Variants in DPP10 observed in about 807,000 individuals in gnomAD.
The protein encoded by DPP10 is dipeptidyl peptidase like 10.
In DPP10, 33 loss-of-function variants were observed where a neutral mutation model predicts 120.9. That is an observed-to-expected ratio of 0.27 (90% CI 0.21 to 0.37). The LOEUF (loss-of-function observed/expected upper bound fraction) is 0.37. Ranked by LOEUF, DPP10 falls within the 10% of genes least tolerant of loss-of-function variation. DPP10 has a pLI of 1.00. For synonymous variants in DPP10, 337 were observed against 326.1 expected (o/e 1.03, Z -0.36); for missense variants, 816 against 942.8 (o/e 0.87, Z 1.76).
intron 1 of DPP10, among the ~76,000 whole-genome samples, chr2:115,001,404 A>T (rs1415669652): frequency 3.3e-5 from 5 of 152,202 alleles, no homozygotes; most frequent in Non-Finnish European, 5.9e-5. Flanking sequence ...ACTTCAAAAT[A>T]ATAAAAGCCA....
At chr2:114,663,032 A>G (rs1381786163) in intron 1 of DPP10, among the ~76,000 whole-genome samples, 1 of 152,094 alleles carries the variant, frequency 6.6e-6, no homozygotes, top group Admixed American at 6.5e-5. Flanking sequence ...TTTGTAAGGT[A>G]CTGTTTTTCA....
At chr2:114,839,964 AG>A (rs1688028818) in intron 1 of DPP10, among the ~76,000 whole-genome samples, 2 of 152,178 alleles carry the variant, frequency 1.3e-5, no homozygotes, top group South Asian at 4.1e-4. Context: ...AAAAAGCAAG[AG>A]TAAACTAATG....
At chr2:114,929,669 A>G (rs115255097) in intron 1 of DPP10, among the ~76,000 whole-genome samples, 34,909 of 152,046 alleles carry the variant, frequency 0.23, 4,297 homozygotes, top group Middle Eastern at 0.38. Context: ...CCCAGATTTC[A>G]TATTGTTCAC....
intron 2 of DPP10, among the ~76,000 whole-genome samples, chr2:115,330,363 A>G (rs1394243931): frequency 6.6e-6 from 1 of 150,800 alleles, no homozygotes; most frequent in East Asian, 1.9e-4. Flanking sequence ...GATTGCAAAA[A>G]TTTTCTCCCA....
At chr2:115,754,816 T>G (rs911671160) in intron 11 of DPP10, among the ~76,000 whole-genome samples, 5 of 152,144 alleles carry the variant, frequency 3.3e-5, no homozygotes, top group Non-Finnish European at 7.4e-5. Flanking sequence ...TACAAGTTAT[T>G]AGAAATGATA....
chr2:115,818,315 GT>G (rs1687473246), intron 21 of DPP10, among the ~76,000 whole-genome samples: 1 of 152,124 alleles, frequency 6.6e-6, no homozygotes, highest in Non-Finnish European at 1.5e-5. Context: ...AATTTTATAT[GT>G]TTTACCACAT....
At chr2:115,762,009 T>A (rs1680173483) in intron 11 of DPP10, among the ~76,000 whole-genome samples, 1 of 152,158 alleles carries the variant, frequency 6.6e-6, no homozygotes, top group South Asian at 2.1e-4. Flanking sequence ...CTTTTTGCAA[T>A]ATGATTTTGG....
intron 1 of DPP10, among the ~76,000 whole-genome samples, chr2:114,490,940 T>C (rs1368754913): frequency 6.6e-6 from 1 of 152,186 alleles, no homozygotes; most frequent in African/African-American, 2.4e-5. Flanking sequence ...GGTTTAAAGA[T>C]GTAGTTGAAT....
rs530083291 is a variant in DPP10 at position 114,742,132 on chromosome 2, G to C, written c.60+299294G>C. ...TATGTGCACAATACTTACACAAAAA[G>C]TCAACATTGTATTAATTTACTTTCA... On this transcript the variant is annotated intron_variant, in intron 1 of 25. Coordinates refer to ENST00000410059, the MANE Select transcript of DPP10 (RefSeq NM_020868.6). 1.1e-4 allele frequency among the ~76,000 whole-genome samples: 17 copies of C among 152,184 alleles called. No homozygotes were observed. The South Asian group carries it at 3.3e-3, about 30-fold the overall frequency.
chr2:114,950,808 A>G (rs991970062), intron 1 of DPP10, among the ~76,000 whole-genome samples: 5 of 152,198 alleles, frequency 3.3e-5, no homozygotes, highest in Non-Finnish European at 7.3e-5. Flanking sequence ...ACACTAGAAA[A>G]TAAATGATAT....
At chr2:114,529,482 G>C (rs1362575508) in intron 1 of DPP10, among the ~76,000 whole-genome samples, 1 of 152,100 alleles carries the variant, frequency 6.6e-6, no homozygotes, top group African/African-American at 2.4e-5. Flanking sequence ...GCTGACTCCT[G>C]TCTGCTTCTC....
chr2:115,407,636 G>A (rs1353826271), intron 3 of DPP10, among the ~76,000 whole-genome samples: 1 of 151,996 alleles, frequency 6.6e-6, no homozygotes, highest in Non-Finnish European at 1.5e-5. Flanking sequence ...GGTCTTTTAC[G>A]GGTGTGTACA....
At chr2:115,023,935 A>T (rs1256711629) in intron 1 of DPP10, among the ~76,000 whole-genome samples, 4 of 152,072 alleles carry the variant, frequency 2.6e-5, no homozygotes. Context: ...ATATGTTCTC[A>T]CTCATATGTG....
intron 1 of DPP10, among the ~76,000 whole-genome samples, chr2:114,930,859 G>A (rs963214014): frequency 6.6e-6 from 1 of 152,136 alleles, no homozygotes; most frequent in African/African-American, 2.4e-5. Flanking sequence ...TTCCACAACT[G>A]GCCCTCATGG....
At chr2:114,832,706 A>C (rs13420100) in intron 1 of DPP10, among the ~76,000 whole-genome samples, 6 of 152,230 alleles carry the variant, frequency 3.9e-5, no homozygotes, top group African/African-American at 9.6e-5. Context: ...AGCCCAAACA[A>C]ATATTTGAAA....
chr2:115,670,559 GA>G lies in DPP10; in HGVS notation c.442-19125del, dbSNP rs886208192. ...TTGCAATTTTGAGAGGCTAAGTTGT[GA>G]AAGAGCAGAAATGTGACTACGTTTA... On this transcript the variant is annotated intron_variant, in intron 5 of 25. Transcript: ENST00000410059. Among the ~76,000 whole-genome samples the G allele has an allele frequency of 4.6e-5, 7 of 152,178 alleles. No individual in the cohort carries two copies. In the East Asian group the frequency reaches 7.7e-4, roughly 17 times the overall value.
At chr2:115,796,060 G>GT (rs1391738825) in intron 19 of DPP10, among the ~76,000 whole-genome samples, 2 of 151,874 alleles carry the variant, frequency 1.3e-5, no homozygotes, top group African/African-American at 4.8e-5. Flanking sequence ...CTCACACTAC[G>GT]TAACAGTCTT....
chr2:114,509,397 G>T (rs1683950104), intron 1 of DPP10, among the ~76,000 whole-genome samples: 1 of 152,168 alleles, frequency 6.6e-6, no homozygotes, highest in South Asian at 2.1e-4. Flanking sequence ...TGTAAGGAAG[G>T]ATTTTTCTTT....
intron 3 of DPP10, among the ~76,000 whole-genome samples, chr2:115,420,799 C>A (rs1415273461): frequency 6.6e-6 from 1 of 151,936 alleles, no homozygotes; most frequent in African/African-American, 2.4e-5. Context: ...CCTGGGAAGA[C>A]AACAGTAGAA....
Sources: allele counts gnomAD v4.1 joint callset (sites outside exome capture counted in the v4.1 genomes callset), GRCh38; gene constraint gnomAD v4.1.1; transcripts MANE v1.5; gene names NCBI Gene and HGNC (gene_info 2026-07-23, HGNC 2026-07-21).